The following ST13 variants were observed in gnomAD, a reference collection of about 807,000 sequenced individuals.
The protein encoded by ST13 is hsc70-interacting protein.
A neutral mutation model predicts 56.7 loss-of-function variants in ST13; 23 were observed. The observed-to-expected ratio is 0.41, with a 90% confidence interval of 0.29 to 0.57. The LOEUF is 0.57. Among genes scored for constraint, ST13 ranks in the 20% least tolerant of loss-of-function variants. The pLI is 0.36. For synonymous variants in ST13, 132 were observed against 142.4 expected (o/e 0.93, Z 0.52); for missense variants, 369 against 459.9 (o/e 0.80, Z 1.81).
Position 40,846,419 on chromosome 22 carries a change from T to G in ST13, c.245-1510A>C, listed in dbSNP as rs569094895. Reference sequence around the variant, plus strand: ...TTATAGTCATGCTGTATACTGGATCTCTGGAATTTATTCAGATTATAGCTC... The same window carrying G: ...TTATAGTCATGCTGTATACTGGATCGCTGGAATTTATTCAGATTATAGCTC... On this transcript the variant is annotated intron_variant, in intron 3 of 11. Coordinates refer to ENST00000216218, the MANE Select transcript of ST13 (RefSeq NM_003932.5). Among the ~76,000 whole-genome samples, 236 of 152,342 alleles carry G rather than the reference T, an allele frequency of 1.5e-3. 2 individuals carry two copies. Among genetic ancestry groups the G allele is most frequent in the Non-Finnish European group, 2.2e-3 (149 of 68,026 alleles).
intron 3 of ST13, 146 bp downstream of exon 3, chr22:40,848,148 T>G (rs752467722): frequency 3.4e-6 from 2 of 587,268 alleles, no homozygotes; most frequent in Non-Finnish European, 6.1e-6. Flanking sequence ...CCTTTTACTT[T>G]CTAAAATGTG....
chr22:40,840,796 T>G (rs910855777), intron 4 of ST13, 104 bp from the exon 5 acceptor site: 3 of 851,576 alleles, frequency 3.5e-6, no homozygotes, highest in African/African-American at 1.7e-5. Flanking sequence ...CCATTTTCAT[T>G]CATTCTTCTG....
intron 8 of ST13, among the ~76,000 whole-genome samples, chr22:40,831,487 CACT>C (rs1046365806): frequency 6.6e-6 from 1 of 152,154 alleles, no homozygotes; most frequent in African/African-American, 2.4e-5. Context: ...GTATACCAGA[CACT>C]AGTATCAAAT....
intron 1 of ST13, among the ~76,000 whole-genome samples, chr22:40,853,213 A>G (rs1383893659): frequency 6.6e-6 from 1 of 152,184 alleles, no homozygotes; most frequent in Non-Finnish European, 1.5e-5. Flanking sequence ...TAGTATTTGC[A>G]TTGTAAAGAC....
chr22:40,847,412 G>C (rs1016683223), intron 3 of ST13, among the ~76,000 whole-genome samples: 67 of 151,910 alleles, frequency 4.4e-4, no homozygotes, highest in Non-Finnish European at 8.2e-4. Context: ...AGCCGTGCCT[G>C]GTGGCACACG....
chr22:40,852,012 G>T (rs997336317), intron 1 of ST13, among the ~76,000 whole-genome samples: 1 of 152,192 alleles, frequency 6.6e-6, no homozygotes, highest in South Asian at 2.1e-4. Flanking sequence ...CAAAGTGCTG[G>T]ATTTACAGGC....
chr22:40,844,654 A>G (rs778663564), intron 4 of ST13, among the ~76,000 whole-genome samples, 185 bp downstream of exon 4: 3 of 152,226 alleles, frequency 2.0e-5, no homozygotes, highest in Non-Finnish European at 4.4e-5. Flanking sequence ...GATAAAACAG[A>G]AAGTAACAGT....
chr22:40,855,960 G>C (rs1388058444), intron 1 of ST13, among the ~76,000 whole-genome samples: 1 of 152,008 alleles, frequency 6.6e-6, no homozygotes, highest in Non-Finnish European at 1.5e-5. Context: ...CATTTTTACA[G>C]TTATCATTTT....
intron 5 of ST13, among the ~76,000 whole-genome samples, chr22:40,840,370 T>C (rs2057797596): frequency 6.6e-6 from 1 of 151,700 alleles, no homozygotes; most frequent in Non-Finnish European, 1.5e-5. Flanking sequence ...TTCACCTCTT[T>C]AAAGCCTCTT....
chr22:40,847,190 T>C (rs2057836281), intron 3 of ST13, among the ~76,000 whole-genome samples: 1 of 152,136 alleles, frequency 6.6e-6, no homozygotes, highest in African/African-American at 2.4e-5. Context: ...TTTATCAACA[T>C]GGTTGTAAGA....
chr22:40,829,730 T>C lies in ST13; in HGVS notation c.799-56A>G, dbSNP rs901111952. The C allele has an allele frequency of 4.5e-5, 45 of 989,784 alleles. No homozygotes were observed. The Admixed American group carries it at 9.3e-4, about 21-fold the overall frequency. The allele number at this position is 989,784 out of a possible 1,614,324, so 61.3% of individuals were successfully genotyped here. A position where few individuals can be genotyped will look rare whatever the true frequency, so the allele number is the denominator to read the frequency against. Reference sequence around the variant, plus strand: ...TAGAAGAAGAAATAAGTGCTGTCCATGCAACCTGTCCATGCAAGACCATGA... The same window carrying C: ...TAGAAGAAGAAATAAGTGCTGTCCACGCAACCTGTCCATGCAAGACCATGA... On this transcript the variant is annotated intron_variant, in intron 9 of 11. Transcript: ENST00000216218.
intron 2 of ST13, among the ~76,000 whole-genome samples, chr22:40,849,328 AT>A (rs2057848977): frequency 6.6e-6 from 1 of 151,950 alleles, no homozygotes; most frequent in South Asian, 2.1e-4. Context: ...ACACAAAAAA[AT>A]TAGCCGGACG....
intron 4 of ST13, 101 bp downstream of exon 4, chr22:40,844,738 A>C (rs1277235773): frequency 2.1e-6 from 2 of 963,458 alleles, no homozygotes; most frequent in Non-Finnish European, 3.2e-6. Flanking sequence ...AGAAAGATTT[A>C]CTATGCGCTT....
At chr22:40,833,107 A>G (rs1038525738) in intron 7 of ST13, among the ~76,000 whole-genome samples, 1 of 152,234 alleles carries the variant, frequency 6.6e-6, no homozygotes, top group African/African-American at 2.4e-5. Context: ...GGTTGGTGAC[A>G]GTAGGTGAGA....
intron 7 of ST13, among the ~76,000 whole-genome samples, chr22:40,834,591 C>T (rs1020059165): frequency 1.6e-4 from 24 of 151,994 alleles, no homozygotes; most frequent in African/African-American, 5.6e-4. Flanking sequence ...TTCATTGAAA[C>T]GACAGTACAT....
intron 7 of ST13, among the ~76,000 whole-genome samples, chr22:40,835,049 A>G (rs138337): frequency 0.46 from 69,404 of 152,018 alleles, 16,569 homozygotes; most frequent in Admixed American, 0.63. Flanking sequence ...TCTGGGTTAA[A>G]TTCACCTCTT....
Position 40,856,576 on chromosome 22 carries a change from G to A in ST13, c.-36C>T, listed in dbSNP as rs766942591. 2 of 1,573,322 alleles carry A rather than the reference G, an allele frequency of 1.3e-6. No homozygotes were observed. Among genetic ancestry groups the A allele is most frequent in the Non-Finnish European group, 8.7e-7 (1 of 1,145,532 alleles). On this transcript the variant is annotated 5_prime_UTR_variant, in exon 1 of 12. Transcript: ENST00000216218. ...TGGTGGGCGAAACTGGGGGGGCTAC[G>A]GCCCGGTTCCAGGCCCAGGCGCTGG...
chr22:40,847,833 G>C (rs2145747528), intron 3 of ST13, among the ~76,000 whole-genome samples: 1 of 152,240 alleles, frequency 6.6e-6, no homozygotes, highest in Non-Finnish European at 1.5e-5. Flanking sequence ...TGGATCACGA[G>C]GTCAGGAGTT....
At chr22:40,844,722 A>G (rs1601469545) in intron 4 of ST13, 117 bp downstream of exon 4, 1 of 778,594 alleles carries the variant, frequency 1.3e-6, no homozygotes, top group East Asian at 2.7e-5. Flanking sequence ...AAACGCCTGA[A>G]GTCAGAGAAA....
Sources: gnomAD v4.1 joint callset for allele counts (sites outside exome capture counted in the v4.1 genomes callset) on GRCh38, gnomAD v4.1.1 for gene constraint, MANE v1.5 for transcripts, NCBI Gene and HGNC (gene_info 2026-07-23, HGNC 2026-07-21) for gene names.